STX8: variants seen among roughly 807,000 people sequenced by gnomAD.
STX8 encodes syntaxin-8.
In STX8, 23 loss-of-function variants were observed where a neutral mutation model predicts 37.5. That is an observed-to-expected ratio of 0.61 (90% CI 0.44 to 0.87). The LOEUF (loss-of-function observed/expected upper bound fraction) is 0.87, where lower values mean the gene tolerates loss of function less well. Ranked by LOEUF, STX8 falls within the 40% of genes least tolerant of loss-of-function variation. STX8 has a pLI of 0.00. For missense variants in STX8, 313 were observed against 284.7 expected, an observed-to-expected ratio of 1.10 and a Z score of -0.71; for synonymous variants, 115 against 99.1, an observed-to-expected ratio of 1.16 and a Z score of -0.95.
intron 6 of STX8, among the ~76,000 whole-genome samples, chr17:9,430,917 G>A (rs1913939996): frequency 6.6e-6 from 1 of 152,120 alleles, no homozygotes; most frequent in African/African-American, 2.4e-5. Flanking sequence ...CCAAAGTGCT[G>A]GGATTACAGG....
chr17:9,335,985 G>A (rs1910128321), intron 7 of STX8, among the ~76,000 whole-genome samples: 1 of 152,106 alleles, frequency 6.6e-6, no homozygotes, highest in African/African-American at 2.4e-5. Context: ...GGCATCTCAG[G>A]GAAGTTTTCT....
chr17:9,469,016 T>A (rs1905732677), intron 6 of STX8: 1 of 152,092 alleles, frequency 6.6e-6, no homozygotes, highest in African/African-American at 2.4e-5. Flanking sequence ...GAAAAAGAAA[T>A]TCAATTTTCA....
At chr17:9,338,266 C>G (rs1038613577) in intron 7 of STX8, among the ~76,000 whole-genome samples, 2 of 151,960 alleles carry the variant, frequency 1.3e-5, no homozygotes, top group African/African-American at 4.8e-5. Context: ...GTTAGCCAGG[C>G]TGGTCTCAAA....
rs140965935 is a variant in STX8 at position 9,356,960 on chromosome 17, G to GTTTTTTTTTTTTT, written c.643+21579_643+21591dup. Among the ~76,000 whole-genome samples, 43 of 61,742 alleles carry GTTTTTTTTTTTTT rather than the reference G, an allele frequency of 7.0e-4. 2 individuals carry two copies. Among genetic ancestry groups the GTTTTTTTTTTTTT allele is most frequent in the Middle Eastern group, 0.013 (1 of 80 alleles). 40.5% of individuals were successfully genotyped at this position (61,742 alleles called of 152,430 possible). A position where few individuals can be genotyped will look rare whatever the true frequency, so the allele number is the denominator to read the frequency against. On this transcript the variant is annotated intron_variant, in intron 7 of 7. Coordinates refer to ENST00000306357, the MANE Select transcript of STX8 (RefSeq NM_004853.3). The stretch of plus-strand genomic sequence containing the variant: ...TTTCATTCTCTCCATCCTTTTAACA[G>GTTTTTTTTTTTTT]TTTTTTTTTTTTTTTTTTTTTTTTT...
chr17:9,259,101 A>G (rs1000912399), intron 7 of STX8, among the ~76,000 whole-genome samples: 4 of 152,368 alleles, frequency 2.6e-5, no homozygotes, highest in South Asian at 2.1e-4. Flanking sequence ...CTGATTTTAC[A>G]GTCAAGAAGA....
intron 7 of STX8, among the ~76,000 whole-genome samples, chr17:9,251,529 C>T (rs1220312016): frequency 6.6e-6 from 1 of 152,180 alleles, no homozygotes; most frequent in Non-Finnish European, 1.5e-5. Context: ...GCTGCCAAGG[C>T]CCCACGAGAG....
At chr17:9,415,803 G>A (rs549400228) in intron 6 of STX8, among the ~76,000 whole-genome samples, 2 of 152,256 alleles carry the variant, frequency 1.3e-5, no homozygotes, top group African/African-American at 4.8e-5. Flanking sequence ...CTTTTCTTCT[G>A]TATCATCTTA....
chr17:9,534,960 G>A (rs572586964), intron 4 of STX8, among the ~76,000 whole-genome samples: 6 of 152,220 alleles, frequency 3.9e-5, no homozygotes, highest in East Asian at 3.9e-4. Context: ...ATATGGGAAC[G>A]TATTCTATGA....
intron 6 of STX8, 91 bp from the exon 7 acceptor site, chr17:9,378,744 G>T: frequency 2.1e-6 from 2 of 939,674 alleles, no homozygotes; most frequent in Non-Finnish European, 3.5e-6. Context: ...TAGCAATAAT[G>T]ATCTCGAGTG....
At chr17:9,311,843 CTCTTTTTT>C (rs762656124) in intron 7 of STX8, among the ~76,000 whole-genome samples, 225 of 152,150 alleles carry the variant, frequency 1.5e-3, no homozygotes, top group Middle Eastern at 3.4e-3. Flanking sequence ...GTGTTAAATT[CTCTTTTTT>C]TCTTTTTTTT....
rs151229148 is a variant in STX8, at chr17:9,342,804, T to C, written c.643+35748A>G. Among the ~76,000 whole-genome samples, 435 of 152,144 alleles carry C rather than the reference T, an allele frequency of 2.9e-3. 2 individuals are homozygous for C. The highest frequency in any genetic ancestry group is 0.017 in the Middle Eastern group (5 of 294). Reference sequence around the variant, plus strand: ...TTGGGACACTGAGGTGGGCAGAGCATGAGGTCAGGAGTTCAAGACTAGCCT... The same window carrying C: ...TTGGGACACTGAGGTGGGCAGAGCACGAGGTCAGGAGTTCAAGACTAGCCT... On this transcript the variant is annotated intron_variant, in intron 7 of 7. Coordinates refer to ENST00000306357, the MANE Select transcript of STX8 (RefSeq NM_004853.3).
chr17:9,316,705 AT>A (rs1909392719), intron 7 of STX8, among the ~76,000 whole-genome samples: 1 of 152,204 alleles, frequency 6.6e-6, no homozygotes, highest in East Asian at 1.9e-4. Flanking sequence ...TCCGTGACCC[AT>A]TTTAAGCAAA....
intron 6 of STX8, among the ~76,000 whole-genome samples, chr17:9,491,091 A>AGG (rs1906833282): frequency 1.3e-5 from 2 of 152,042 alleles, no homozygotes; most frequent in African/African-American, 4.8e-5. Flanking sequence ...CCTCTCCCTG[A>AGG]GCTCTGGTAC....
chr17:9,531,716 T>C (rs1461344169), intron 4 of STX8, among the ~76,000 whole-genome samples: 1 of 152,200 alleles, frequency 6.6e-6, no homozygotes, highest in Non-Finnish European at 1.5e-5. Context: ...GGACTACTCT[T>C]TATTTATCTC....
chr17:9,378,833 G>A (rs999927608), intron 6 of STX8, among the ~76,000 whole-genome samples, 180 bp from the exon 7 acceptor site: 2 of 151,978 alleles, frequency 1.3e-5, no homozygotes, highest in Admixed American at 6.6e-5. Flanking sequence ...AAAAAAAGCA[G>A]TAGTAAAGAA....
chr17:9,425,394 T>C (rs1298782933), intron 6 of STX8, among the ~76,000 whole-genome samples: 2 of 152,204 alleles, frequency 1.3e-5, no homozygotes, highest in East Asian at 1.9e-4. Flanking sequence ...TTTGTATTTA[T>C]AAATTATGTA....
intron 7 of STX8, among the ~76,000 whole-genome samples, chr17:9,372,932 T>C (rs1394301526): frequency 6.6e-6 from 1 of 151,266 alleles, no homozygotes; most frequent in Non-Finnish European, 1.5e-5. Context: ...GGAGAAACTC[T>C]GTCTTTAACA....
At chr17:9,303,776 A>C (rs1198938255) in intron 7 of STX8, among the ~76,000 whole-genome samples, 1 of 152,192 alleles carries the variant, frequency 6.6e-6, no homozygotes, top group Non-Finnish European at 1.5e-5. Context: ...CATACACTTC[A>C]CACCAGGATA....
intron 4 of STX8, among the ~76,000 whole-genome samples, chr17:9,528,011 G>A (rs1905648160): frequency 6.6e-6 from 1 of 152,190 alleles, no homozygotes; most frequent in Admixed American, 6.5e-5. Context: ...TATTTATATT[G>A]TGGAATACAA....
Sources: gnomAD v4.1 joint callset for allele counts (sites outside exome capture counted in the v4.1 genomes callset) on GRCh38, gnomAD v4.1.1 for gene constraint, MANE v1.5 for transcripts, NCBI Gene and HGNC (gene_info 2026-07-23, HGNC 2026-07-21) for gene names.